PLIN3: variants seen among roughly 807,000 people sequenced by gnomAD.
The protein encoded by PLIN3 is perilipin-3.
A neutral mutation model predicts 35.9 loss-of-function variants in PLIN3; 30 were observed. That is an observed-to-expected ratio of 0.84 (90% confidence interval 0.62 to 1.13). The LOEUF (loss-of-function observed/expected upper bound fraction) is 1.13. Among genes scored for constraint, PLIN3 ranks in the 50% most tolerant of loss-of-function variants. The pLI is 0.00. For synonymous variants in PLIN3, 261 were observed against 262.5 expected (o/e 0.99, Z 0.06); for missense variants, 603 against 596.9 (o/e 1.01, Z -0.11).
chr19:4,847,121 C>G (rs999891039), intron 6 of PLIN3, among the ~76,000 whole-genome samples: 2 of 151,842 alleles, frequency 1.3e-5, no homozygotes, highest in Non-Finnish European at 1.5e-5. Context: ...AACTCCTGAC[C>G]TCGTGATCCA....
chr19:4,849,667 T>C (rs568871528), intron 5 of PLIN3, among the ~76,000 whole-genome samples: 1 of 151,932 alleles, frequency 6.6e-6, no homozygotes, highest in South Asian at 2.1e-4. Flanking sequence ...TTATTTATTT[T>C]TTTGAGACAG....
Position 4,852,152 on chromosome 19 carries a change from CTT to C in PLIN3, c.496_497del (p.Lys166ValfsTer56). ...ATTGGACGCCGCCGGTCACTACGGA[CTT>C]TGTCTTGTCCACGCCGCTCTGCACA... ...GAVQSGVDKTKSVVTGGVQSV... is the reference protein window; with the variant it reads ...GAVQSGVDKTXSVVTGGVQSV... On this transcript the variant is annotated frameshift_variant, in exon 5 of 8. Coordinates refer to ENST00000221957, the MANE Select transcript of PLIN3 (RefSeq NM_005817.5). LOFTEE classifies it high-confidence loss of function. 10 of 1,614,080 alleles carry C rather than the reference CTT, an allele frequency of 6.2e-6. No individual in the cohort carries two copies. Among genetic ancestry groups the C allele is most frequent in the African/African-American group, 1.3e-5 (1 of 75,048 alleles).
intron 4 of PLIN3, among the ~76,000 whole-genome samples, chr19:4,855,897 C>T (rs945936435): frequency 2.0e-5 from 3 of 147,708 alleles, no homozygotes; most frequent in African/African-American, 5.0e-5. Flanking sequence ...TGCACTCTAG[C>T]TTGGGCTACA....
At chr19:4,860,439 G>C (rs1011968978) in intron 2 of PLIN3, among the ~76,000 whole-genome samples, 2 of 151,754 alleles carry the variant, frequency 1.3e-5, no homozygotes, top group African/African-American at 4.8e-5. Context: ...TCCTGACCTC[G>C]TGATTCGCCC....
intron 1 of PLIN3, among the ~76,000 whole-genome samples, chr19:4,864,161 T>G (rs954460712): frequency 1.4e-5 from 2 of 140,960 alleles, no homozygotes; most frequent in Non-Finnish European, 3.1e-5. Context: ...GGTTTTGTTT[T>G]TTTTTTTTGG....
chr19:4,839,887 G>C (rs1162978900), intron 7 of PLIN3, among the ~76,000 whole-genome samples: 1 of 150,744 alleles, frequency 6.6e-6, no homozygotes, highest in Non-Finnish European at 1.5e-5. Flanking sequence ...GGATGGTCTT[G>C]ATCTCCTGAC....
At chr19:4,846,751 C>T (rs72984103) in intron 6 of PLIN3, among the ~76,000 whole-genome samples, 1,615 of 152,098 alleles carry the variant, frequency 0.011, 13 homozygotes, top group South Asian at 0.015. Flanking sequence ...GGGACGACCA[C>T]GTGAATACAC....
At chr19:4,851,491 A>C (rs891125312) in intron 5 of PLIN3, among the ~76,000 whole-genome samples, 4 of 152,072 alleles carry the variant, frequency 2.6e-5, no homozygotes, top group Admixed American at 2.6e-4. Context: ...TAATTAAAGA[A>C]GAATATCAAA....
chr19:4,860,653 C>T lies in PLIN3; in HGVS notation c.67-629G>A, dbSNP rs2030644338. ...ACCACAGCCCATGGGTCACAGCCAG[C>T]GCACCACTTGATTTTTAAATTTTAA... On this transcript the variant is annotated intron_variant, in intron 2 of 7. Transcript: ENST00000221957. 1.6e-4 allele frequency among the ~76,000 whole-genome samples: 25 copies of T among 152,072 alleles called. 1 individual carries two copies. In the South Asian group the frequency reaches 5.2e-3, roughly 32 times the overall value.
intron 6 of PLIN3, among the ~76,000 whole-genome samples, chr19:4,845,232 C>T (rs1366484209): frequency 6.6e-6 from 1 of 151,828 alleles, no homozygotes; most frequent in Non-Finnish European, 1.5e-5. Flanking sequence ...TCGAGACCAG[C>T]CTAACCAACA....
intron 6 of PLIN3, among the ~76,000 whole-genome samples, chr19:4,846,694 G>A (rs944253614): frequency 1.3e-5 from 2 of 151,804 alleles, no homozygotes; most frequent in African/African-American, 2.4e-5. Context: ...GCGAGACTCC[G>A]TTCAAAGAAA....
intron 4 of PLIN3, among the ~76,000 whole-genome samples, chr19:4,856,253 C>A (rs2030471352): frequency 2.0e-5 from 3 of 152,040 alleles, no homozygotes; most frequent in African/African-American, 7.2e-5. Context: ...CATGGAGCAC[C>A]TGAATACTTA....
intron 4 of PLIN3, among the ~76,000 whole-genome samples, chr19:4,853,921 G>A (rs1361571051): frequency 7.1e-6 from 1 of 141,350 alleles, no homozygotes; most frequent in Admixed American, 7.7e-5. Flanking sequence ...TGCTGTTCTC[G>A]AATCTAAGTC....
intron 4 of PLIN3, among the ~76,000 whole-genome samples, chr19:4,857,651 C>T (rs1024586523): frequency 6.6e-6 from 1 of 151,992 alleles, no homozygotes; most frequent in Non-Finnish European, 1.5e-5. Context: ...GGTGTTAACC[C>T]CAGGTCAGCA....
Position 4,839,149 on chromosome 19 carries a change from C to T in PLIN3, c.*43G>A, listed in dbSNP as rs770316938. 1 of 1,483,060 alleles carries T rather than the reference C, an allele frequency of 6.7e-7. No individual in the cohort carries two copies. The highest frequency in any genetic ancestry group is 9.2e-7 in the Non-Finnish European group (1 of 1,085,018). 91.9% of individuals were successfully genotyped at this position (1,483,060 alleles called of 1,614,324 possible). A position where few individuals can be genotyped will look rare whatever the true frequency, so the allele number is the denominator to read the frequency against. ...CCGGGTTGAGGACTCCAGAGCACAGCTGCATTATAGAGACGGGGCCCGCTG... is the reference window on the plus strand; with the variant it reads ...CCGGGTTGAGGACTCCAGAGCACAGTTGCATTATAGAGACGGGGCCCGCTG... On this transcript the variant is annotated 3_prime_UTR_variant, in exon 8 of 8. Coordinates refer to ENST00000221957, the MANE Select transcript of PLIN3 (RefSeq NM_005817.5).
At chr19:4,857,578 A>AT (rs1306910881) in intron 4 of PLIN3, among the ~76,000 whole-genome samples, 5 of 149,132 alleles carry the variant, frequency 3.4e-5, no homozygotes, top group African/African-American at 2.4e-5. Flanking sequence ...CAAAAAAAAA[A>AT]TTTTTTTTTT....
chr19:4,864,620 A>G (rs2030790489), intron 1 of PLIN3, among the ~76,000 whole-genome samples: 1 of 151,904 alleles, frequency 6.6e-6, no homozygotes, highest in Admixed American at 6.6e-5. Context: ...CCCAGCCAAA[A>G]TTTAGGCTTT....
intron 7 of PLIN3, among the ~76,000 whole-genome samples, chr19:4,840,958 C>T (rs1237698760): frequency 1.3e-5 from 2 of 152,024 alleles, no homozygotes; most frequent in Non-Finnish European, 2.9e-5. Context: ...AACAAACAAA[C>T]AAACAAAAAC....
rs564930507 is a variant in PLIN3, at chr19:4,847,836, C to T, written c.689G>A (p.Arg230Gln). The T allele has an allele frequency of 7.3e-5, 117 of 1,613,650 alleles. 1 individual carries two copies. The highest frequency in any genetic ancestry group is 9.8e-5 in the Non-Finnish European group (116 of 1,179,744). ...GFDVASVQQQ[R>Q]QEQSYFVRLG... ...ACGTACGAAGTAGCTCTGTTCCTGC[C>T]GCTGCTGCTGCACGGACGCGACGTC... Residue 230 changes from arginine (R) to glutamine (Q), a missense_variant, in exon 6 of 8, where the codon CGG becomes CAG. Coordinates refer to ENST00000221957, the MANE Select transcript of PLIN3 (RefSeq NM_005817.5).
Sources: gnomAD v4.1 joint callset for allele counts (sites outside exome capture counted in the v4.1 genomes callset) on GRCh38, gnomAD v4.1.1 for gene constraint, MANE v1.5 for transcripts, NCBI Gene and HGNC (gene_info 2026-07-23, HGNC 2026-07-21) for gene names.